ZCCHC2: variants seen among roughly 807,000 people sequenced by gnomAD.
The protein encoded by ZCCHC2 is zinc finger CCHC-type containing 2.
Under a neutral mutation model 103.6 loss-of-function variants are expected in ZCCHC2, and 39 were observed. The observed-to-expected ratio is 0.38, with a 90% CI of 0.29 to 0.49. The LOEUF is 0.49. ZCCHC2 is among the 20% of genes least tolerant of loss of function. The pLI is 0.96. For missense variants in ZCCHC2, 1,483 were observed against 1,491.0 expected, an observed-to-expected ratio of 0.99 and a Z score of 0.09; for synonymous variants, 687 against 608.9, an observed-to-expected ratio of 1.13 and a Z score of -1.89.
intron 11 of ZCCHC2, among the ~76,000 whole-genome samples, chr18:62,569,531 G>A (rs755254730): frequency 2.1e-4 from 32 of 151,294 alleles, no homozygotes; most frequent in Non-Finnish European, 3.5e-4. Context: ...TGTATCTCTT[G>A]TCCAATACTA....
At chr18:62,539,493 TTA>T (rs1915079828) in intron 1 of ZCCHC2, 186 bp from the exon 2 acceptor site, 3 of 498,416 alleles carry the variant, frequency 6.0e-6, no homozygotes, top group Non-Finnish European at 1.1e-5. Context: ...CAGTCAATAA[TTA>T]ATAGAGTGCT....
intron 6 of ZCCHC2, 129 bp from the exon 7 acceptor site, chr18:62,558,558 C>T (rs1284754499): frequency 7.4e-6 from 4 of 537,036 alleles, no homozygotes; most frequent in Non-Finnish European, 1.3e-5. Flanking sequence ...CTTGCCTTCT[C>T]ACTAGTAGCC....
Position 62,523,292 on chromosome 18 carries a change from C to G in ZCCHC2, c.-133C>G, listed in dbSNP as rs1202709768. 3 of 897,156 alleles carry G rather than the reference C, an allele frequency of 3.3e-6. No individual in the cohort carries two copies. Among genetic ancestry groups the G allele is most frequent in the East Asian group, 1.2e-4 (1 of 8,372 alleles). 55.6% of individuals were successfully genotyped at this position (897,156 alleles called of 1,614,324 possible). On this transcript the variant is annotated 5_prime_UTR_variant, in exon 1 of 14. Transcript: ENST00000269499. ...CCCCCTCGCCGGCCGAGACCCGCCC[C>G]CGGCCCCGGCCCTCCCCCGGCGGCA...
intron 1 of ZCCHC2, chr18:62,525,574 C>T (rs1279819080): frequency 6.6e-6 from 1 of 152,132 alleles, no homozygotes; most frequent in Non-Finnish European, 1.5e-5. Context: ...TCACTAGTGG[C>T]TTTGTGGACT....
intron 4 of ZCCHC2, among the ~76,000 whole-genome samples, chr18:62,549,899 A>C (rs1043512184): frequency 1.1e-4 from 16 of 152,336 alleles, no homozygotes; most frequent in Admixed American, 8.5e-4. Flanking sequence ...GTAAAACGTA[A>C]AACAGGAGGC....
chr18:62,573,907 AG>A (rs1916691646), intron 12 of ZCCHC2, 149 bp from the exon 13 acceptor site: 7 of 750,616 alleles, frequency 9.3e-6, no homozygotes, highest in Admixed American at 2.9e-5. Context: ...GAAAGCCGAA[AG>A]TTAAAGGGAG....
At position 62,533,450 on chromosome 18, in the gene ZCCHC2, G is replaced by A. The variant is rs372387835; in HGVS notation, c.940-6231G>A. On this transcript the variant is annotated intron_variant, in intron 1 of 13. Transcript: ENST00000269499. ...TGAGGCAGCAGAATCACTTGAACCC[G>A]GGAGGCAGAGGTTGCAGTGAGCCGA... Among the ~76,000 whole-genome samples, 24 of 150,914 alleles carry A rather than the reference G, an allele frequency of 1.6e-4. No homozygotes were observed. In the East Asian group the frequency reaches 3.6e-3, roughly 23 times the overall value.
intron 4 of ZCCHC2, 32 bp downstream of exon 4, chr18:62,544,905 T>G (rs1271852587): frequency 4.0e-6 from 6 of 1,482,442 alleles, no homozygotes; most frequent in Non-Finnish European, 5.4e-6. Flanking sequence ...TAAAATGATT[T>G]TTATATAATA....
At chr18:62,580,546 G>A (rs1248265753), downstream of ZCCHC2, among the ~76,000 whole-genome samples, 2 of 138,068 alleles carry the variant, frequency 1.4e-5, no homozygotes, top group Non-Finnish European at 3.1e-5. Context: ...GACCCCTCCC[G>A]AGACGGTGTC....
At chr18:62,579,042 A>G (rs568897282), downstream of ZCCHC2, among the ~76,000 whole-genome samples, 1 of 152,344 alleles carries the variant, frequency 6.6e-6, no homozygotes, top group East Asian at 1.9e-4. Context: ...TGGTGGGATT[A>G]CAGGCATGAG....
At chr18:62,585,524 A>C (rs969124953) in exon 15 of ZCCHC2, 3 of 152,230 alleles carry the variant, frequency 2.0e-5, no homozygotes, top group African/African-American at 7.2e-5. Context: ...CTGAGTGCTT[A>C]TTCCTGCTAG....
intron 4 of ZCCHC2, 71 bp from the exon 5 acceptor site, chr18:62,550,277 C>A: frequency 8.9e-7 from 1 of 1,127,312 alleles, no homozygotes; most frequent in South Asian, 1.4e-5. Context: ...TCATTTTATG[C>A]ATATAACTTG....
intron 3 of ZCCHC2, 119 bp from the exon 4 acceptor site, chr18:62,544,683 T>C: frequency 1.3e-6 from 1 of 763,328 alleles, no homozygotes; most frequent in Non-Finnish European, 2.1e-6. Context: ...AACTTTATAT[T>C]TCTAACTGTT....
rs1319781642 is a variant in ZCCHC2, at chr18:62,574,134, G to A, written c.2053G>A (p.Val685Ile). 29 of 1,613,920 alleles carry A rather than the reference G, an allele frequency of 1.8e-5. No individual in the cohort carries two copies. The East Asian group carries it at 6.5e-4, about 36-fold the overall frequency. The change falls in exon 13 of 14, where the codon GTC becomes ATC. Residue 685 changes from valine (V) to isoleucine (I), a missense_variant. Physicochemically the swap from Val to Ile is conservative, Grantham distance 29 (BLOSUM62 3). Coordinates refer to ENST00000269499, the MANE Select transcript of ZCCHC2 (RefSeq NM_017742.6). Reference protein sequence around the residue: ...FTGYGSVNQTVTVKPPVQIAS... With the variant: ...FTGYGSVNQTITVKPPVQIAS... ...AGGTTACGGTTCTGTCAACCAGACTGTCACTGTCAAGCCACCTGTTCAAAT... is the reference window on the plus strand; with the variant it reads ...AGGTTACGGTTCTGTCAACCAGACTATCACTGTCAAGCCACCTGTTCAAAT...
rs756590514 is a variant in ZCCHC2, at chr18:62,575,506, A to G, written c.3425A>G (p.Tyr1142Cys). The change falls in exon 13 of 14, where the codon TAT becomes TGT. Residue 1142 changes from tyrosine (Y) to cysteine (C), a missense_variant. By Grantham distance (194) the Tyr-to-Cys change is radical. Around this residue, in one of 3 missense-constraint regions of ZCCHC2, gnomAD observed 884 missense variants for 907.5 expected, o/e 0.97. Coordinates refer to ENST00000269499, the MANE Select transcript of ZCCHC2 (RefSeq NM_017742.6). ...TACAATTGTGGTGTAAGCGGACACT[A>G]TGCACAGGACTGTAAGCAGTCGTCC... is the stretch of plus-strand genomic sequence containing the variant. ...SCYNCGVSGH[Y>C]AQDCKQSSME... 1.9e-6 allele frequency: 3 copies of G among 1,614,052 alleles called. No homozygotes were observed. The highest frequency in any genetic ancestry group is 2.5e-6 in the Non-Finnish European group (3 of 1,179,898).
At chr18:62,530,603 G>A (rs903413296) in intron 1 of ZCCHC2, among the ~76,000 whole-genome samples, 5 of 152,074 alleles carry the variant, frequency 3.3e-5, no homozygotes, top group Non-Finnish European at 7.4e-5. Flanking sequence ...TGATGTTCGG[G>A]AAGGACAGGC....
At position 62,535,149 on chromosome 18, in the gene ZCCHC2, G is replaced by A. The variant is rs190138921; in HGVS notation, c.940-4532G>A. Among the ~76,000 whole-genome samples the A allele has an allele frequency of 7.7e-4, 117 of 152,306 alleles. 1 individual carries two copies. Among genetic ancestry groups the A allele is most frequent in the Admixed American group, 6.9e-3 (106 of 15,306 alleles). On this transcript the variant is annotated intron_variant, in intron 1 of 13. Coordinates refer to ENST00000269499, the MANE Select transcript of ZCCHC2 (RefSeq NM_017742.6). Reference sequence around the variant, plus strand: ...GACTGCGACAGCGAAGGCAGAGTCAGATGTGGGCTGGGGAGGAGATGTGCG... The same window carrying A: ...GACTGCGACAGCGAAGGCAGAGTCAAATGTGGGCTGGGGAGGAGATGTGCG...
At chr18:62,569,642 C>T (rs1393701965) in intron 11 of ZCCHC2, among the ~76,000 whole-genome samples, 2 of 151,848 alleles carry the variant, frequency 1.3e-5, no homozygotes, top group African/African-American at 2.4e-5. Flanking sequence ...TAGGCTTGAA[C>T]TTGGCAGAAC....
chr18:62,584,406 G>A (rs1917119892), intron 14 of ZCCHC2: 1 of 152,146 alleles, frequency 6.6e-6, no homozygotes, highest in Admixed American at 6.5e-5. Flanking sequence ...GAGGTGGGGG[G>A]TTGGGTGGTT....
Sources: allele counts gnomAD v4.1 joint callset (sites outside exome capture counted in the v4.1 genomes callset), GRCh38; gene constraint gnomAD v4.1.1; regional missense constraint gnomAD v4.1.1; transcripts MANE v1.5; gene names NCBI Gene and HGNC (gene_info 2026-07-23, HGNC 2026-07-21).